The following SGCD variants were observed in gnomAD, a reference collection of about 807,000 sequenced individuals.
SGCD encodes the protein sarcoglycan delta.
Under a neutral mutation model 36.6 loss-of-function variants are expected in SGCD, and 18 were observed. That is an observed-to-expected ratio of 0.49 (90% CI 0.34 to 0.73). The LOEUF is 0.73. Ranked by LOEUF, SGCD falls within the 30% of genes least tolerant of loss-of-function variation. SGCD has a pLI of 0.01. For synonymous variants in SGCD, 133 were observed against 130.6 expected, an observed-to-expected ratio of 1.02 and a Z score of -0.12; for missense variants, 387 against 346.7, an observed-to-expected ratio of 1.12 and a Z score of -0.92.
In SGCD at chr5:156,252,063, A is replaced by AT. The variant is rs1326824088; in HGVS notation, c.-43-77462dup. Among the ~76,000 whole-genome samples the AT allele has an allele frequency of 2.1e-4, 31 of 147,946 alleles. 1 individual carries two copies. The East Asian group carries it at 3.6e-3, about 17-fold the overall frequency. Reference sequence around the variant, plus strand: ...ATGTAGTACTCATTTTGATATTAGCATTTTTTTTTCTTTTTTTTTTGAGAC... The same window carrying AT: ...ATGTAGTACTCATTTTGATATTAGCATTTTTTTTTTCTTTTTTTTTTGAGAC... On this transcript the variant is annotated intron_variant, in intron 3 of 9. Coordinates refer to the SGCD transcript ENST00000517913.
intron 1 of SGCD, among the ~76,000 whole-genome samples, chr5:155,972,861 C>A (rs1001644371): frequency 6.6e-6 from 1 of 152,110 alleles, no homozygotes; most frequent in Non-Finnish European, 1.5e-5. Flanking sequence ...TTCACCTTTT[C>A]GTTTGTCAAT....
chr5:156,693,272 G>C (rs531811160), intron 7 of SGCD, among the ~76,000 whole-genome samples: 24 of 152,262 alleles, frequency 1.6e-4, no homozygotes, highest in African/African-American at 5.8e-4. Flanking sequence ...CTTGAAGAGA[G>C]ACATGGAGGG....
At chr5:156,133,016 T>A (rs1383888268) in intron 3 of SGCD, among the ~76,000 whole-genome samples, 1 of 152,224 alleles carries the variant, frequency 6.6e-6, no homozygotes, top group Non-Finnish European at 1.5e-5. Flanking sequence ...TGAGTCCCTG[T>A]TGAGTCAGGA....
chr5:156,342,611 T>C (rs1372116272), intron 2 of SGCD, among the ~76,000 whole-genome samples: 2 of 152,214 alleles, frequency 1.3e-5, no homozygotes, highest in African/African-American at 4.8e-5. Flanking sequence ...GATGACTTTG[T>C]TGTGTTCCCG....
chr5:156,038,010 C>A lies in SGCD; in HGVS notation c.-281-79868C>A, dbSNP rs111435045. 2.7e-3 allele frequency among the ~76,000 whole-genome samples: 404 copies of A among 152,256 alleles called. 2 individuals carry two copies. Among genetic ancestry groups the A allele is most frequent in the African/African-American group, 9.2e-3 (384 of 41,548 alleles). ...AAAGAAAACTAGATAGTACACAAGC[C>A]TTCCCGTAACTGTCCTATCTTAAAC... On this transcript the variant is annotated intron_variant, in intron 1 of 9. Transcript: ENST00000517913.
intron 4 of SGCD, among the ~76,000 whole-genome samples, chr5:156,539,821 C>A (rs1158871378): frequency 6.6e-6 from 1 of 151,984 alleles, no homozygotes. Flanking sequence ...TGATAGGTTT[C>A]AAAGTATATT....
chr5:156,709,958 A>G (rs1754915288), intron 7 of SGCD, among the ~76,000 whole-genome samples: 1 of 151,838 alleles, frequency 6.6e-6, no homozygotes, highest in Non-Finnish European at 1.5e-5. Flanking sequence ...GACTTTTGAT[A>G]GAAGAGTTTG....
intron 7 of SGCD, among the ~76,000 whole-genome samples, chr5:156,716,903 A>G (rs562328897): frequency 1.6e-4 from 25 of 152,310 alleles, no homozygotes; most frequent in African/African-American, 5.8e-4. Context: ...AATTCTTTCT[A>G]AACTAGTTTT....
chr5:156,256,927 C>A (rs997860132), intron 3 of SGCD, among the ~76,000 whole-genome samples: 5 of 152,050 alleles, frequency 3.3e-5, no homozygotes, highest in African/African-American at 1.2e-4. Context: ...ACCTATAATA[C>A]CAGCACTTTG....
At chr5:156,592,688 C>T (rs573511853) in intron 5 of SGCD, among the ~76,000 whole-genome samples, 7 of 152,240 alleles carry the variant, frequency 4.6e-5, no homozygotes, top group Non-Finnish European at 8.8e-5. Flanking sequence ...GAGAGCCCTC[C>T]GCCTTGCCCC....
At chr5:156,746,409 G>T (rs1756939133) in intron 7 of SGCD, among the ~76,000 whole-genome samples, 1 of 152,224 alleles carries the variant, frequency 6.6e-6, no homozygotes, top group Admixed American at 6.5e-5. Context: ...AAAGCCTAAG[G>T]TAACAGAAGG....
Position 156,762,075 on chromosome 5 carries a change from C to G in SGCD, c.*2685C>G, listed in dbSNP as rs1410260311. The G allele has an allele frequency of 6.6e-6, 1 of 152,398 alleles. No homozygotes were observed. The highest frequency in any genetic ancestry group is 1.5e-5 in the Non-Finnish European group (1 of 68,004). The allele number at this position is 152,398 out of a possible 1,614,324, so 9.4% of individuals were successfully genotyped here. ...TCAAACTAGAATATTTGTCAGTGGT[C>G]AAGAGAAAAAATTTTACCTGAATTC... is the stretch of plus-strand genomic sequence containing the variant. On this transcript the variant is annotated 3_prime_UTR_variant, in exon 9 of 9. Transcript: ENST00000337851.
At chr5:155,843,478 A>G in the SGCD span, among the ~76,000 whole-genome samples, 1 of 152,172 alleles carries the variant, frequency 6.6e-6, no homozygotes, top group African/African-American at 2.4e-5. Flanking sequence ...CTTCCAAATT[A>G]TGCATGCACC....
chr5:156,101,273 C>T (rs1300988639), intron 1 of SGCD, among the ~76,000 whole-genome samples: 6 of 152,204 alleles, frequency 3.9e-5, no homozygotes, highest in Non-Finnish European at 1.5e-5. Context: ...AGTGCAAGAG[C>T]AGACAGTGGG....
At chr5:155,754,348 T>G in the SGCD span, among the ~76,000 whole-genome samples, 1 of 152,192 alleles carries the variant, frequency 6.6e-6, no homozygotes, top group Non-Finnish European at 1.5e-5. Flanking sequence ...AAGAGTGAGT[T>G]TGACTTCAGA....
rs371803253 is a variant in SGCD, at chr5:156,050,343, C to T, written c.-281-67535C>T. On this transcript the variant is annotated intron_variant, in intron 1 of 9. Transcript: ENST00000517913. ...GATTATGACTTGCTGAAGACTCAGA[C>T]GCTAGTTAGTGTTTTTTACTAATAA... Among the ~76,000 whole-genome samples, 25 of 146,594 alleles carry T rather than the reference C, an allele frequency of 1.7e-4. 1 individual carries two copies. Among genetic ancestry groups the T allele is most frequent in the South Asian group, 6.5e-4 (3 of 4,632 alleles).
intron 7 of SGCD, among the ~76,000 whole-genome samples, chr5:156,694,575 T>G (rs1754234874): frequency 1.3e-5 from 2 of 152,200 alleles, no homozygotes; most frequent in African/African-American, 2.4e-5. Flanking sequence ...TAACAGAAGT[T>G]TTTATTCTTC....
chr5:155,799,924 T>TTC, the SGCD span, among the ~76,000 whole-genome samples: 3 of 150,132 alleles, frequency 2.0e-5, no homozygotes, highest in Non-Finnish European at 4.4e-5. Flanking sequence ...GTTCAAGCTA[T>TTC]TCTCCTGCCT....
At chr5:155,809,436 TA>T in the SGCD span, among the ~76,000 whole-genome samples, 3 of 152,348 alleles carry the variant, frequency 2.0e-5, no homozygotes, top group Admixed American at 2.0e-4. Context: ...TATGTCTCGC[TA>T]AACTTTGAGT....
Sources: allele counts gnomAD v4.1 joint callset (sites outside exome capture counted in the v4.1 genomes callset), GRCh38; gene constraint gnomAD v4.1.1; transcripts MANE v1.5; gene names NCBI Gene and HGNC (gene_info 2026-07-23, HGNC 2026-07-21).